BCAR3: variants seen among roughly 807,000 people sequenced by gnomAD.
The protein encoded by BCAR3 is BCAR3 adaptor protein, NSP family member.
Under a neutral mutation model 80.1 loss-of-function variants are expected in BCAR3, and 37 were observed. That is an observed-to-expected ratio of 0.46 (90% CI 0.36 to 0.61). The LOEUF (loss-of-function observed/expected upper bound fraction) is 0.61, where lower values mean the gene tolerates loss of function less well. Ranked by LOEUF, BCAR3 falls within the 20% of genes least tolerant of loss-of-function variation. BCAR3 has a pLI of 0.00. For missense variants in BCAR3, 978 were observed against 1,068.2 expected, an observed-to-expected ratio of 0.92 and a Z score of 1.18; for synonymous variants, 389 against 418.9, an observed-to-expected ratio of 0.93 and a Z score of 0.87.
chr1:93,725,323 A>G (rs1003110695), intron 2 of BCAR3, among the ~76,000 whole-genome samples: 1 of 152,210 alleles, frequency 6.6e-6, no homozygotes, highest in Non-Finnish European at 1.5e-5. Flanking sequence ...GACTTCCAGA[A>G]ATAAGCATTA....
At position 93,782,821 on chromosome 1, in the gene BCAR3, A is replaced by G. The variant is rs373732405; in HGVS notation, c.-63+62746T>C. 2.6e-4 allele frequency among the ~76,000 whole-genome samples: 40 copies of G among 152,366 alleles called. 3 individuals carry two copies. The highest frequency in any genetic ancestry group is 1.2e-3 in the Admixed American group (19 of 15,304). ...GTATACGATTGATGGATTTAACTAC[A>G]TGAAGCTTAAGAACATCTGTTCATC... On this transcript the variant is annotated intron_variant, in intron 2 of 13. Coordinates refer to the BCAR3 transcript ENST00000370244.
intron 2 of BCAR3, among the ~76,000 whole-genome samples, chr1:93,765,429 A>G (rs139454655): frequency 6.6e-6 from 1 of 152,292 alleles, no homozygotes; most frequent in East Asian, 1.9e-4. Context: ...CATCTCTAGG[A>G]TCACCAGTCA....
chr1:93,615,850 G>A (rs236306), intron 3 of BCAR3, among the ~76,000 whole-genome samples: 42,323 of 151,830 alleles, frequency 0.28, 7,717 homozygotes, highest in African/African-American at 0.54. Context: ...AGCAAATAAC[G>A]ATTCCTTCAA....
At chr1:93,678,044 C>A (rs1396397155) in intron 1 of BCAR3, among the ~76,000 whole-genome samples, 1 of 152,176 alleles carries the variant, frequency 6.6e-6, no homozygotes, top group Non-Finnish European at 1.5e-5. Flanking sequence ...ATGAGTTCTA[C>A]TATAAAAACG....
At chr1:93,723,918 A>T (rs754603500) in intron 2 of BCAR3, among the ~76,000 whole-genome samples, 3 of 152,132 alleles carry the variant, frequency 2.0e-5, no homozygotes, top group Non-Finnish European at 4.4e-5. Flanking sequence ...TGTGGTCTCT[A>T]ATTACAAGGA....
At chr1:93,567,693 C>G in intron 10 of BCAR3, 47 bp downstream of exon 10, 1 of 1,551,602 alleles carries the variant, frequency 6.4e-7, no homozygotes, top group Non-Finnish European at 8.9e-7. Context: ...ACTTGTACTC[C>G]ACTCCCCAGC....
chr1:93,740,907 A>G (rs1651152996), intron 2 of BCAR3, among the ~76,000 whole-genome samples: 1 of 152,226 alleles, frequency 6.6e-6, no homozygotes, highest in Non-Finnish European at 1.5e-5. Flanking sequence ...TCCAGCTGAC[A>G]GCCTTGTGTT....
intron 2 of BCAR3, among the ~76,000 whole-genome samples, chr1:93,674,077 C>T (rs962335450): frequency 5.9e-5 from 9 of 152,118 alleles, no homozygotes; most frequent in Admixed American, 1.3e-4. Flanking sequence ...TTGAAAGGAA[C>T]ATACCAAAAT....
chr1:93,567,128 GAAGT>G, intron 11 of BCAR3, 147 bp downstream of exon 11: 4 of 914,920 alleles, frequency 4.4e-6, no homozygotes, highest in South Asian at 3.5e-5. Context: ...GAATTAAGAG[GAAGT>G]AATAACTAGC....
At chr1:93,691,529 C>T (rs920487218) in intron 3 of BCAR3, among the ~76,000 whole-genome samples, 5 of 152,192 alleles carry the variant, frequency 3.3e-5, no homozygotes, top group African/African-American at 7.2e-5. Flanking sequence ...AAGAGACAGG[C>T]GGCCTTGGCA....
intron 2 of BCAR3, among the ~76,000 whole-genome samples, chr1:93,759,805 GC>G (rs1306442686): frequency 6.6e-6 from 1 of 151,412 alleles, no homozygotes; most frequent in East Asian, 1.9e-4. Context: ...GAGGTCCAGG[GC>G]TGGAACAGAC....
chr1:93,620,776 G>C (rs1007443837), intron 3 of BCAR3, among the ~76,000 whole-genome samples: 3 of 152,138 alleles, frequency 2.0e-5, no homozygotes, highest in African/African-American at 7.2e-5. Context: ...GTATTACTGG[G>C]TTGTCTGATA....
chr1:93,569,275 G>C (rs976942288), intron 9 of BCAR3, among the ~76,000 whole-genome samples: 2 of 152,258 alleles, frequency 1.3e-5, no homozygotes, highest in African/African-American at 4.8e-5. Context: ...AAACAGAAGA[G>C]ATTAGGTAAC....
At chr1:93,758,446 A>G (rs1361204866) in intron 2 of BCAR3, among the ~76,000 whole-genome samples, 1 of 152,226 alleles carries the variant, frequency 6.6e-6, no homozygotes, top group Non-Finnish European at 1.5e-5. Context: ...CCAGACGACC[A>G]GCTTAAGCCT....
Position 93,653,801 on chromosome 1 carries a change from G to T in BCAR3, c.318-11458C>A, listed in dbSNP as rs1205040354. On this transcript the variant is annotated intron_variant, in intron 2 of 11. Coordinates refer to ENST00000260502, the MANE Select transcript of BCAR3 (RefSeq NM_003567.4). ...TGAAGAAGCCCCACATGGGGTAGGT[G>T]GTGATGCGAAATGCTCCAGGCAACA... 2.0e-5 allele frequency among the ~76,000 whole-genome samples: 3 copies of T among 152,066 alleles called. No individual in the cohort carries two copies. The East Asian group carries it at 5.9e-4, about 30-fold the overall frequency.
At chr1:93,676,567 T>C (rs1391575356) in intron 1 of BCAR3, among the ~76,000 whole-genome samples, 1 of 152,222 alleles carries the variant, frequency 6.6e-6, no homozygotes, top group African/African-American at 2.4e-5. Context: ...GACAGAGTCC[T>C]GTGCAGCCCC....
chr1:93,582,534 T>C lies in BCAR3; in HGVS notation c.1453A>G (p.Arg485Gly). Residue 485 changes from arginine to glycine, a missense_variant, in exon 7 of 12, where the codon AGA becomes GGA. Transcript: ENST00000260502. The stretch of plus-strand genomic sequence containing the variant: ...TGAGCTGCCGCAGGTTCCCAAGGTC[T>C]TTCCCTGTCATCATCATCAAGGATC... ...YLILDDDDRE[R>G]PWEPAAAQME... 2 of 1,613,814 alleles carry C rather than the reference T, an allele frequency of 1.2e-6. No homozygotes were observed. The highest frequency in any genetic ancestry group is 2.2e-5 in the East Asian group (1 of 44,844).
chr1:93,689,169 G>A (rs1427517499), intron 3 of BCAR3, among the ~76,000 whole-genome samples: 1 of 152,118 alleles, frequency 6.6e-6, no homozygotes, highest in African/African-American at 2.4e-5. Flanking sequence ...CCAGTGCTGT[G>A]GGAACGCAGA....
intron 2 of BCAR3, among the ~76,000 whole-genome samples, chr1:93,655,804 T>C (rs1029797110): frequency 7.9e-5 from 12 of 152,328 alleles, no homozygotes; most frequent in Non-Finnish European, 1.8e-4. Flanking sequence ...CACATAAATC[T>C]TTCCCAAAAA....
Sources: gnomAD v4.1 joint callset for allele counts (sites outside exome capture counted in the v4.1 genomes callset) on GRCh38, gnomAD v4.1.1 for gene constraint, MANE v1.5 for transcripts, NCBI Gene and HGNC (gene_info 2026-07-23, HGNC 2026-07-21) for gene names.